Variants in KCNH5 observed in about 807,000 individuals in gnomAD.
KCNH5 encodes the protein voltage-gated delayed rectifier potassium channel KCNH5.
A neutral mutation model predicts 96.1 loss-of-function variants in KCNH5; 46 were observed. The ratio of observed to expected loss-of-function variants is 0.48; its 90% confidence interval spans 0.38 to 0.61. KCNH5 has a LOEUF of 0.61. Ranked by LOEUF, KCNH5 falls within the 20% of genes least tolerant of loss-of-function variation. KCNH5 has a pLI of 0.00. For synonymous variants in KCNH5, 439 were observed against 449.8 expected (o/e 0.98, Z 0.30); for missense variants, 907 against 1,225.8 (o/e 0.74, Z 3.88).
At chr14:62,922,107 C>G (rs547970155) in intron 7 of KCNH5, among the ~76,000 whole-genome samples, 198 of 152,028 alleles carry the variant, frequency 1.3e-3, no homozygotes, top group Non-Finnish European at 2.5e-3. Context: ...CCACCTTATA[C>G]AGTGCATTTT....
At chr14:62,754,580 A>T (rs1282203887) in intron 10 of KCNH5, among the ~76,000 whole-genome samples, 1 of 151,846 alleles carries the variant, frequency 6.6e-6, no homozygotes, top group Non-Finnish European at 1.5e-5. Flanking sequence ...AATGGAAAAT[A>T]AAAAAAATAG....
rs183796783 is a variant in KCNH5 at position 62,837,619 on chromosome 14, A to G, written c.1569+12034T>C. On this transcript the variant is annotated intron_variant, in intron 8 of 10. Coordinates refer to ENST00000322893, the MANE Select transcript of KCNH5 (RefSeq NM_139318.5). ...GAAGCATTAATCCTTAATAGTAAAA[A>G]TGATTTGAAGTTTGAGGTTTGGAGT... Among the ~76,000 whole-genome samples the G allele has an allele frequency of 3.2e-4, 48 of 152,350 alleles. 1 individual carries two copies. Among genetic ancestry groups the G allele is most frequent in the Admixed American group, 2.9e-3 (44 of 15,304 alleles).
At chr14:62,758,213 A>G (rs986129616) in intron 10 of KCNH5, among the ~76,000 whole-genome samples, 2 of 152,132 alleles carry the variant, frequency 1.3e-5, no homozygotes, top group African/African-American at 2.4e-5. Context: ...GGGTGACTAT[A>G]GTCAGTAGTA....
At chr14:62,830,713 TG>T (rs1318826209) in intron 8 of KCNH5, among the ~76,000 whole-genome samples, 1 of 152,108 alleles carries the variant, frequency 6.6e-6, no homozygotes, top group African/African-American at 2.4e-5. Context: ...GAGATTTGGG[TG>T]GGGACATGGA....
chr14:62,746,669 A>G (rs1432333583), intron 10 of KCNH5, among the ~76,000 whole-genome samples: 1 of 152,214 alleles, frequency 6.6e-6, no homozygotes, highest in African/African-American at 2.4e-5. Context: ...GTTTCTTTTA[A>G]TTAATAACCC....
intron 3 of KCNH5, among the ~76,000 whole-genome samples, chr14:63,001,730 C>T (rs941299834): frequency 6.6e-6 from 1 of 152,182 alleles, no homozygotes; most frequent in Admixed American, 6.5e-5. Context: ...TGCAGGAACA[C>T]AAAGGCAGTC....
intron 7 of KCNH5, among the ~76,000 whole-genome samples, chr14:62,890,389 C>G (rs1246937153): frequency 2.0e-5 from 3 of 151,870 alleles, no homozygotes; most frequent in African/African-American, 7.3e-5. Flanking sequence ...AAGAGAAAAA[C>G]AACCCCATTA....
At chr14:63,004,280 AT>A (rs1234839506) in intron 3 of KCNH5, among the ~76,000 whole-genome samples, 1 of 152,220 alleles carries the variant, frequency 6.6e-6, no homozygotes, top group African/African-American at 2.4e-5. Context: ...GCAAAACTCC[AT>A]TATAATACAT....
chr14:62,823,262 T>C (rs530133241), intron 8 of KCNH5, among the ~76,000 whole-genome samples: 1 of 152,260 alleles, frequency 6.6e-6, no homozygotes, highest in South Asian at 2.1e-4. Flanking sequence ...CCATTGATCT[T>C]ATCCTACTCA....
chr14:62,729,929 C>G (rs1411176054), intron 10 of KCNH5, among the ~76,000 whole-genome samples: 2 of 152,124 alleles, frequency 1.3e-5, no homozygotes, highest in African/African-American at 4.8e-5. Flanking sequence ...AAAGGCTGTC[C>G]ACCAAACACT....
chr14:62,984,717 T>C (rs1890671540), intron 5 of KCNH5, among the ~76,000 whole-genome samples: 1 of 151,098 alleles, frequency 6.6e-6, no homozygotes, highest in African/African-American at 2.4e-5. Flanking sequence ...GGTTTATGAA[T>C]AAGGGATGAC....
At chr14:62,722,980 C>T (rs190798718) in intron 10 of KCNH5, among the ~76,000 whole-genome samples, 1 of 152,296 alleles carries the variant, frequency 6.6e-6, no homozygotes, top group Admixed American at 6.5e-5. Context: ...GCTTGTAATG[C>T]ACTTTCAAAT....
chr14:62,893,898 C>T (rs1453480736), intron 7 of KCNH5, among the ~76,000 whole-genome samples: 7 of 152,214 alleles, frequency 4.6e-5, no homozygotes, highest in East Asian at 1.9e-4. Flanking sequence ...TGCATGCAAA[C>T]GTTTTATTTT....
chr14:62,863,389 C>T (rs1478214885), intron 7 of KCNH5, among the ~76,000 whole-genome samples: 1 of 152,100 alleles, frequency 6.6e-6, no homozygotes, highest in Admixed American at 6.5e-5. Flanking sequence ...AGACAAAAAA[C>T]AAACCATTAA....
chr14:62,862,485 G>A lies in KCNH5; in HGVS notation c.1370-12633C>T, dbSNP rs112126330. On this transcript the variant is annotated intron_variant, in intron 7 of 10. Coordinates refer to ENST00000322893, the MANE Select transcript of KCNH5 (RefSeq NM_139318.5). ...CATTACCACAAATTTTTCCTCTCTC[G>A]GTATGCAAATCCCTTCGTGGTAAGA... 8.0e-3 allele frequency among the ~76,000 whole-genome samples: 1,210 copies of A among 152,016 alleles called. 6 individuals are homozygous for A. The highest frequency in any genetic ancestry group is 0.02 in the Middle Eastern group (6 of 294).
chr14:62,758,852 G>A (rs1185197888), intron 10 of KCNH5, among the ~76,000 whole-genome samples: 1 of 152,208 alleles, frequency 6.6e-6, no homozygotes, highest in Non-Finnish European at 1.5e-5. Context: ...ATAACAGAGG[G>A]TGTAGGGTGG....
chr14:62,861,133 C>T (rs1212499516), intron 7 of KCNH5, among the ~76,000 whole-genome samples: 6 of 152,148 alleles, frequency 3.9e-5, no homozygotes. Context: ...TTAAAAGATG[C>T]AAAGCTGGAC....
At chr14:62,895,864 G>A (rs1423807804) in intron 7 of KCNH5, among the ~76,000 whole-genome samples, 7 of 152,156 alleles carry the variant, frequency 4.6e-5, no homozygotes. Flanking sequence ...CACATGGATA[G>A]CCTAGTCTAC....
chr14:62,965,789 C>T (rs990282961), intron 6 of KCNH5, among the ~76,000 whole-genome samples: 6 of 152,092 alleles, frequency 3.9e-5, no homozygotes, highest in Admixed American at 1.3e-4. Flanking sequence ...TACATGGATA[C>T]TGTGTATTTC....
Sources: allele counts gnomAD v4.1 joint callset (sites outside exome capture counted in the v4.1 genomes callset), GRCh38; gene constraint gnomAD v4.1.1; transcripts MANE v1.5; gene names NCBI Gene and HGNC (gene_info 2026-07-23, HGNC 2026-07-21).